KIAA0319L: variants seen among roughly 807,000 people sequenced by gnomAD.
The protein encoded by KIAA0319L is KIAA0319 like.
KIAA0319L carries 55 observed loss-of-function variants against 120.1 expected under a neutral mutation model. That is an observed-to-expected ratio of 0.46 (90% CI 0.37 to 0.57). KIAA0319L has a LOEUF of 0.57. KIAA0319L is among the 20% of genes least tolerant of loss of function. The pLI, the probability that KIAA0319L is intolerant of heterozygous loss-of-function variation, is 0.00. For synonymous variants in KIAA0319L, 398 were observed against 471.9 expected, an observed-to-expected ratio of 0.84 and a Z score of 2.03; for missense variants, 1,049 against 1,255.3, an observed-to-expected ratio of 0.84 and a Z score of 2.48.
rs1640861296 is a variant in KIAA0319L at position 35,437,198 on chromosome 1, G to A, written c.2963-2117C>T. On this transcript the variant is annotated intron_variant, in intron 20 of 20. Transcript: ENST00000325722. The surrounding 1 kb of genome is among the most constrained non-coding windows in gnomAD (Gnocchi z 4.1). The stretch of plus-strand genomic sequence containing the variant: ...CTCTCCCTAAGATGTCCGATGTGCT[G>A]AGCTCAGGCTCCCATCCAATCTCAC... Among the ~76,000 whole-genome samples the A allele has an allele frequency of 6.6e-6, 1 of 152,160 alleles. No homozygotes were observed. Among genetic ancestry groups the A allele is most frequent in the South Asian group, 2.1e-4 (1 of 4,830 alleles).
chr1:35,444,883 T>C (rs963626841), intron 16 of KIAA0319L, among the ~76,000 whole-genome samples: 1 of 152,186 alleles, frequency 6.6e-6, no homozygotes, highest in South Asian at 2.1e-4. Context: ...CTTATATTAC[T>C]CCATGCCCAG....
intron 15 of KIAA0319L, 131 bp downstream of exon 15, chr1:35,449,736 G>T: frequency 3.1e-6 from 3 of 966,526 alleles, no homozygotes; most frequent in Non-Finnish European, 4.6e-6. Context: ...TCAGCTTGGG[G>T]TTTCTCGATT....
intron 3 of KIAA0319L, among the ~76,000 whole-genome samples, chr1:35,484,787 TA>T (rs1387593063): frequency 0.045 from 2,966 of 66,444 alleles, 230 homozygotes; most frequent in East Asian, 0.21. Flanking sequence ...TATATATATA[TA>T]TATATATATA....
In KIAA0319L at chr1:35,475,938, T is replaced by C. The variant is rs550379682; in HGVS notation, c.914-1032A>G. 1.0e-3 allele frequency among the ~76,000 whole-genome samples: 155 copies of C among 152,336 alleles called. 1 individual carries two copies. The highest frequency in any genetic ancestry group is 3.7e-3 in the African/African-American group (153 of 41,578). ...CACGGTCTACTCTCAGGGACTTTGC[T>C]AAAGTTATTTCTTTCAACTGCGGTG... On this transcript the variant is annotated intron_variant, in intron 4 of 20. Coordinates refer to ENST00000325722, the MANE Select transcript of KIAA0319L (RefSeq NM_024874.5).
chr1:35,485,827 C>T (rs539479096), intron 3 of KIAA0319L, among the ~76,000 whole-genome samples: 5 of 152,196 alleles, frequency 3.3e-5, no homozygotes, highest in East Asian at 1.9e-4. Context: ...TCAATTGAGA[C>T]GGGGTCTCAC....
intron 2 of KIAA0319L, among the ~76,000 whole-genome samples, chr1:35,539,756 T>C (rs1646719945): frequency 6.6e-6 from 1 of 152,198 alleles, no homozygotes; most frequent in African/African-American, 2.4e-5. Flanking sequence ...CAGCTGACTC[T>C]GGTTGCCCTC....
At chr1:35,444,833 A>T (rs1248500138) in intron 16 of KIAA0319L, among the ~76,000 whole-genome samples, 1 of 152,220 alleles carries the variant, frequency 6.6e-6, no homozygotes, top group Non-Finnish European at 1.5e-5. Context: ...AATTATGATG[A>T]CAACAAAAAG....
intron 10 of KIAA0319L, chr1:35,454,743 G>GTTCT: frequency 1.5e-6 from 1 of 674,312 alleles, no homozygotes; most frequent in Non-Finnish European, 2.1e-6. Context: ...TCATAAGAGA[G>GTTCT]GGCAGTATTG....
At chr1:35,459,332 C>G (rs918645667) in intron 9 of KIAA0319L, among the ~76,000 whole-genome samples, 1 of 152,116 alleles carries the variant, frequency 6.6e-6, no homozygotes. Flanking sequence ...TAGGGCCAGG[C>G]ACGGTGGCTC....
chr1:35,468,786 CCACTTGTCATAG>C (rs1407577747), intron 6 of KIAA0319L, among the ~76,000 whole-genome samples: 3 of 152,210 alleles, frequency 2.0e-5, no homozygotes, highest in Non-Finnish European at 4.4e-5. Flanking sequence ...TAGTTCTTAA[CCACTTGTCATAG>C]CACAATTATT....
intron 2 of KIAA0319L, 41 bp downstream of exon 2, chr1:35,554,309 T>C: frequency 2.0e-6 from 3 of 1,479,420 alleles, no homozygotes; most frequent in Non-Finnish European, 1.8e-6. Flanking sequence ...AAATGCCCTT[T>C]TCTAAAAAAA....
chr1:35,445,058 C>A (rs1045493800), intron 16 of KIAA0319L, among the ~76,000 whole-genome samples: 1 of 152,150 alleles, frequency 6.6e-6, no homozygotes. Context: ...GTGAGTCACA[C>A]TGGTTTACAG....
At chr1:35,446,209 A>C (rs1570623877) in intron 16 of KIAA0319L, among the ~76,000 whole-genome samples, 1 of 152,120 alleles carries the variant, frequency 6.6e-6, no homozygotes, top group African/African-American at 2.4e-5. Context: ...GTGTGGCTGG[A>C]GTTGGGAACC....
chr1:35,507,311 A>G (rs1224686718), intron 2 of KIAA0319L, among the ~76,000 whole-genome samples, 176 bp from the exon 3 acceptor site: 1 of 152,134 alleles, frequency 6.6e-6, no homozygotes, highest in African/African-American at 2.4e-5. Flanking sequence ...TTGTCTTCGG[A>G]TATTTTAGGT....
intron 2 of KIAA0319L, among the ~76,000 whole-genome samples, chr1:35,518,659 G>A (rs1260613102): frequency 3.9e-5 from 6 of 152,004 alleles, no homozygotes; most frequent in Non-Finnish European, 7.4e-5. Flanking sequence ...CCTGTGACAC[G>A]AGTTTACTTA....
At chr1:35,543,613 A>C (rs1226621555) in intron 2 of KIAA0319L, among the ~76,000 whole-genome samples, 1 of 152,258 alleles carries the variant, frequency 6.6e-6, no homozygotes, top group Non-Finnish European at 1.5e-5. Context: ...CAGAGGCTAC[A>C]GCCCTCAAAG....
intron 2 of KIAA0319L, among the ~76,000 whole-genome samples, chr1:35,544,757 G>A (rs1052008468): frequency 2.6e-5 from 4 of 152,126 alleles, no homozygotes; most frequent in African/African-American, 4.8e-5. Flanking sequence ...ACTTCTGCTC[G>A]AAGCCATAAT....
Position 35,453,668 on chromosome 1 carries a change from G to C in KIAA0319L, c.1802C>G (p.Ala601Gly). Residue 601 changes from alanine (A) to glycine (G), a missense_variant, in exon 12 of 21, where the codon GCA becomes GGA. Coordinates refer to ENST00000325722, the MANE Select transcript of KIAA0319L (RefSeq NM_024874.5). The surrounding 1 kb of genome is among the most constrained non-coding windows in gnomAD (Gnocchi z 4.1). ...VQPENNKPPQ[A>G]DAGPDKELTL... ...CAGCTCTTTATCTGGGCCTGCATCT[G>C]CCTGAGGAGGCTTATTGTTTTCTGG... 6.2e-7 allele frequency: 1 copy of C among 1,613,660 alleles called. No homozygotes were observed. The highest frequency in any genetic ancestry group is 1.6e-4 in the Middle Eastern group (1 of 6,062).
rs187536270 is a variant in KIAA0319L at position 35,514,215 on chromosome 1, A to G, written c.143-7080T>C. ...AAATTGTTTACAATGTAACCCTAAGAGTAAAAAGCTAAATATAAAAGTGCA... is the reference window on the plus strand; with the variant it reads ...AAATTGTTTACAATGTAACCCTAAGGGTAAAAAGCTAAATATAAAAGTGCA... On this transcript the variant is annotated intron_variant, in intron 2 of 20. Coordinates refer to ENST00000325722, the MANE Select transcript of KIAA0319L (RefSeq NM_024874.5). Among the ~76,000 whole-genome samples, 8 of 152,304 alleles carry G rather than the reference A, an allele frequency of 5.3e-5. 1 individual carries two copies. Among genetic ancestry groups the G allele is most frequent in the African/African-American group, 1.9e-4 (8 of 41,580 alleles).
Sources: allele counts gnomAD v4.1 joint callset (sites outside exome capture counted in the v4.1 genomes callset), GRCh38; gene constraint gnomAD v4.1.1; non-coding constraint Gnocchi (gnomAD v3.1); transcripts MANE v1.5; gene names NCBI Gene and HGNC (gene_info 2026-07-23, HGNC 2026-07-21).